CFAP54: variants seen among roughly 807,000 people sequenced by gnomAD.
CFAP54 encodes cilia- and flagella-associated protein 54.
Under a neutral mutation model 370.4 loss-of-function variants are expected in CFAP54, and 290 were observed. That is an observed-to-expected ratio of 0.78 (90% CI 0.71 to 0.86). The LOEUF is 0.86. Ranked by LOEUF, CFAP54 falls within the 40% of genes least tolerant of loss-of-function variation. The pLI is 0.00. For missense variants in CFAP54, 3,399 were observed against 3,528.7 expected, an observed-to-expected ratio of 0.96 and a Z score of 0.93; for synonymous variants, 1,206 against 1,236.5, an observed-to-expected ratio of 0.98 and a Z score of 0.52.
intron 22 of CFAP54, among the ~76,000 whole-genome samples, chr12:96,586,428 C>T (rs181878734): frequency 1.1e-4 from 17 of 151,578 alleles, no homozygotes; most frequent in Admixed American, 5.9e-4. Flanking sequence ...GTATGTAAAA[C>T]GAATTGGAAA....
At chr12:96,494,386 C>T (rs988545769) in intron 1 of CFAP54, among the ~76,000 whole-genome samples, 9 of 152,086 alleles carry the variant, frequency 5.9e-5, no homozygotes, top group Non-Finnish European at 1.0e-4. Flanking sequence ...CTGCAACCTC[C>T]GCCTCCGGAG....
At chr12:96,715,976 CT>C (rs1957673291) in intron 48 of CFAP54, among the ~76,000 whole-genome samples, 1 of 152,158 alleles carries the variant, frequency 6.6e-6, no homozygotes, top group African/African-American at 2.4e-5. Flanking sequence ...AAATTAAAGA[CT>C]TTGAAAAACT....
At chr12:96,570,321 T>C (rs1045670979) in intron 19 of CFAP54, among the ~76,000 whole-genome samples, 4 of 151,652 alleles carry the variant, frequency 2.6e-5, no homozygotes, top group Non-Finnish European at 5.9e-5. Flanking sequence ...TTTTCTTTTT[T>C]TTTTTTTTTA....
At position 96,685,166 on chromosome 12, in the gene CFAP54, G is replaced by A; in HGVS notation, c.5942G>A (p.Ser1981Asn). 1 of 1,614,168 alleles carries A rather than the reference G, an allele frequency of 6.2e-7. No homozygotes were observed. The highest frequency in any genetic ancestry group is 1.1e-5 in the South Asian group (1 of 91,086). ...SHSPPGFKDY[S>N]EEFLSRVGIW... ...TCACCTCCGGGTTTCAAAGACTACA[G>A]TGAGGAGTTTCTGTCAAGAGTTGGC... is the stretch of plus-strand genomic sequence containing the variant. Residue 1981 changes from serine to asparagine, a missense_variant, in exon 42 of 68, where the codon AGT (serine) becomes AAT (asparagine). Ser to Asn is a conservative substitution (Grantham distance 46, BLOSUM62 1). This residue lies in a region of CFAP54 where 2,796 missense variants were observed against 2,869.7 expected (regional missense o/e 0.97). Transcript: ENST00000524981.
chr12:96,699,424 C>G (rs1392447764), intron 45 of CFAP54, among the ~76,000 whole-genome samples: 4 of 152,098 alleles, frequency 2.6e-5, no homozygotes, highest in African/African-American at 9.7e-5. Flanking sequence ...AATCTGTATA[C>G]CAAACCCCTA....
intron 60 of CFAP54, among the ~76,000 whole-genome samples, chr12:96,783,561 A>G (rs1958600342): frequency 6.6e-6 from 1 of 152,234 alleles, no homozygotes; most frequent in African/African-American, 2.4e-5. Context: ...TTCAGGATAT[A>G]TCCATCATTA....
At chr12:96,845,498 G>A (rs1959314483) in intron 66 of CFAP54, among the ~76,000 whole-genome samples, 1 of 152,270 alleles carries the variant, frequency 6.6e-6, no homozygotes, top group Middle Eastern at 3.4e-3. Context: ...CTGGAGGGAA[G>A]CCCACATCCA....
At chr12:96,713,422 T>C (rs1190390154) in intron 48 of CFAP54, among the ~76,000 whole-genome samples, 1 of 151,932 alleles carries the variant, frequency 6.6e-6, no homozygotes, top group African/African-American at 2.4e-5. Context: ...TTAAGTGAAA[T>C]AGGGTATGAT....
intron 27 of CFAP54, among the ~76,000 whole-genome samples, chr12:96,622,431 GCCT>G (rs1956508893): frequency 6.8e-6 from 1 of 147,690 alleles, no homozygotes. Context: ...CCTCACCGTA[GCCT>G]CCACCTCCTC....
At chr12:96,508,768 G>A (rs374921279) in intron 4 of CFAP54, among the ~76,000 whole-genome samples, 1 of 147,640 alleles carries the variant, frequency 6.8e-6, no homozygotes, top group South Asian at 2.1e-4. Context: ...CTAAGTTCCT[G>A]TATGTAAATC....
At chr12:96,503,365 C>T (rs1173933855) in intron 2 of CFAP54, among the ~76,000 whole-genome samples, 4 of 137,476 alleles carry the variant, frequency 2.9e-5, no homozygotes, top group Non-Finnish European at 6.3e-5. Flanking sequence ...CTCCCTCCCT[C>T]TCTCCCTTCC....
At chr12:96,816,414 C>G (rs564046658) in intron 64 of CFAP54, among the ~76,000 whole-genome samples, 1 of 152,218 alleles carries the variant, frequency 6.6e-6, no homozygotes, top group East Asian at 1.9e-4. Flanking sequence ...GTAAGTTTTT[C>G]AAGTAAACTT....
At chr12:96,507,818 C>T (rs1177363274) in intron 4 of CFAP54, among the ~76,000 whole-genome samples, 1 of 152,158 alleles carries the variant, frequency 6.6e-6, no homozygotes, top group African/African-American at 2.4e-5. Flanking sequence ...TCTCACCCAC[C>T]CCCAAGTCAT....
At chr12:96,789,000 T>G (rs2136698533) in intron 62 of CFAP54, among the ~76,000 whole-genome samples, 1 of 152,334 alleles carries the variant, frequency 6.6e-6, no homozygotes, top group Admixed American at 6.5e-5. Flanking sequence ...TTAAAAATGC[T>G]CATCTTTATG....
chr12:96,773,889 T>C (rs1331359551), intron 60 of CFAP54, among the ~76,000 whole-genome samples: 2 of 152,230 alleles, frequency 1.3e-5, no homozygotes, highest in African/African-American at 4.8e-5. Flanking sequence ...AATGTCTAGA[T>C]CAAAGGGTGA....
In CFAP54 at chr12:96,534,199, AATTTATTTAAAAAAAAT is replaced by A; in HGVS notation, c.1678_1694del (p.Ile560CysfsTer4). ...ACTATAAAGAAGGACAGTCAACTCA[AATTTATTTAAAAAAAAT>A]TGCTGTTCATGGTAAGTATTTATTT... On this transcript the variant is annotated frameshift_variant, in exon 11 of 68. Transcript: ENST00000524981. LOFTEE classifies it high-confidence loss of function. The A allele has an allele frequency of 6.8e-7, 1 of 1,467,416 alleles. No individual in the cohort carries two copies. Among genetic ancestry groups the A allele is most frequent in the East Asian group, 2.5e-5 (1 of 40,554 alleles). The allele number at this position is 1,467,416 out of a possible 1,614,324, so 90.9% of individuals were successfully genotyped here.
intron 52 of CFAP54, 114 bp downstream of exon 52, chr12:96,742,700 C>A: frequency 9.6e-7 from 1 of 1,037,884 alleles, no homozygotes; most frequent in Non-Finnish European, 1.4e-6. Context: ...CTAGCTTGAT[C>A]TGCTTATAGA....
At chr12:96,725,107 C>A (rs7398728) in intron 50 of CFAP54, among the ~76,000 whole-genome samples, 5 of 152,186 alleles carry the variant, frequency 3.3e-5, no homozygotes, top group East Asian at 1.9e-4. Flanking sequence ...AGTCAGGTAG[C>A]GTGATGCCTC....
chr12:96,521,802 C>T (rs1955323984), intron 6 of CFAP54, 55 bp from the exon 7 acceptor site: 3 of 1,272,822 alleles, frequency 2.4e-6, no homozygotes, highest in African/African-American at 1.5e-5. Flanking sequence ...TGTCTTTATA[C>T]ATTTTAATCA....
Sources: allele counts gnomAD v4.1 joint callset (sites outside exome capture counted in the v4.1 genomes callset), GRCh38; gene constraint gnomAD v4.1.1; regional missense constraint gnomAD v4.1.1; transcripts MANE v1.5; gene names NCBI Gene and HGNC (gene_info 2026-07-23, HGNC 2026-07-21).